LUZP2: variants seen among roughly 807,000 people sequenced by gnomAD.
LUZP2 encodes the protein leucine zipper protein 2.
Under a neutral mutation model 51.6 loss-of-function variants are expected in LUZP2, and 52 were observed. The ratio of observed to expected loss-of-function variants is 1.01; its 90% confidence interval spans 0.81 to 1.27. The LOEUF (loss-of-function observed/expected upper bound fraction) is 1.27, where lower values mean the gene tolerates loss of function less well. Ranked by LOEUF, LUZP2 falls within the 50% of genes most tolerant of loss-of-function variation. The pLI is 0.00. For synonymous variants in LUZP2, 154 were observed against 137.3 expected (o/e 1.12, Z -0.85); for missense variants, 436 against 395.4 (o/e 1.10, Z -0.87).
At chr11:24,652,307 A>G (rs759212810) in intron 1 of LUZP2, among the ~76,000 whole-genome samples, 104 of 152,286 alleles carry the variant, frequency 6.8e-4, no homozygotes, top group Non-Finnish European at 1.1e-3. Flanking sequence ...AGCTATGACT[A>G]CACATAGCTA....
At chr11:24,746,917 T>C (rs1156998642) in intron 4 of LUZP2, among the ~76,000 whole-genome samples, 3 of 152,212 alleles carry the variant, frequency 2.0e-5, no homozygotes, top group East Asian at 3.9e-4. Context: ...TGTTTTTTCT[T>C]TGGCTATCTA....
In LUZP2 at chr11:24,911,996, T is replaced by C. The variant is rs201167317; in HGVS notation, c.460-2480T>C. On this transcript the variant is annotated intron_variant, in intron 6 of 11. Transcript: ENST00000336930. ...TTCTATGGAAATGAAAACAAATCAA[T>C]TACCCTGTGAGAAACCATAAATTCT... is the stretch of plus-strand genomic sequence containing the variant. 5.9e-5 allele frequency among the ~76,000 whole-genome samples: 9 copies of C among 152,282 alleles called. No individual in the cohort carries two copies. In the East Asian group the frequency reaches 1.7e-3, roughly 29 times the overall value.
chr11:24,958,799 T>C (rs544570597), intron 7 of LUZP2, among the ~76,000 whole-genome samples: 4 of 152,286 alleles, frequency 2.6e-5, no homozygotes, highest in South Asian at 4.1e-4. Context: ...TGCCATTGCT[T>C]TTGGTGTTTT....
At chr11:24,857,824 A>C (rs1851617690) in intron 5 of LUZP2, among the ~76,000 whole-genome samples, 1 of 152,172 alleles carries the variant, frequency 6.6e-6, no homozygotes, top group African/African-American at 2.4e-5. Context: ...TTTTAAGCTA[A>C]GGTTTTCAGT....
chr11:24,630,673 C>CTTTTTT (rs57556855), intron 1 of LUZP2, among the ~76,000 whole-genome samples: 1 of 131,652 alleles, frequency 7.6e-6, no homozygotes, highest in Admixed American at 7.6e-5. Context: ...GCTATTCCGA[C>CTTTTTT]TTTTTTTTTT....
At chr11:25,069,556 A>G (rs1170687682) in intron 10 of LUZP2, among the ~76,000 whole-genome samples, 1 of 151,912 alleles carries the variant, frequency 6.6e-6, no homozygotes, top group East Asian at 1.9e-4. Flanking sequence ...TTTCCCAGTG[A>G]GTAATACACT....
chr11:24,512,821 C>G (rs1850353884), intron 1 of LUZP2, among the ~76,000 whole-genome samples: 1 of 151,328 alleles, frequency 6.6e-6, no homozygotes. Context: ...ACGATCTCAG[C>G]TCACTGCAAC....
At chr11:24,871,668 G>T (rs1249270360) in intron 5 of LUZP2, among the ~76,000 whole-genome samples, 1 of 151,920 alleles carries the variant, frequency 6.6e-6, no homozygotes, top group Non-Finnish European at 1.5e-5. Context: ...TTTAATCACA[G>T]AATTGTTTGT....
intron 1 of LUZP2, among the ~76,000 whole-genome samples, chr11:24,602,178 G>GTGCATATGTATATA (rs1853715680): frequency 8.9e-6 from 1 of 112,044 alleles, no homozygotes; most frequent in African/African-American, 3.4e-5. Flanking sequence ...GTATATATAT[G>GTGCATATGTATATA]TGTATATATG....
rs114215453 is a variant in LUZP2 at position 24,633,021 on chromosome 11, A to T, written c.63-96148A>T. Among the ~76,000 whole-genome samples, 1,126 of 152,124 alleles carry T rather than the reference A, an allele frequency of 7.4e-3. 15 individuals carry two copies. Among genetic ancestry groups the T allele is most frequent in the African/African-American group, 0.024 (988 of 41,534 alleles). ...AGATGGGGTCTTGAAGAATGATAGG[A>T]TATAGAAAGGAAATCTGAGCAACAG... On this transcript the variant is annotated intron_variant, in intron 1 of 11. Transcript: ENST00000336930.
chr11:24,717,584 T>A (rs1858101795), intron 1 of LUZP2, among the ~76,000 whole-genome samples: 2 of 52,506 alleles, frequency 3.8e-5, no homozygotes, highest in Non-Finnish European at 8.8e-5. Context: ...ATTTTTTGTA[T>A]TTTTTTTTTT....
At chr11:25,002,544 G>A (rs532123231) in intron 9 of LUZP2, among the ~76,000 whole-genome samples, 3 of 152,216 alleles carry the variant, frequency 2.0e-5, no homozygotes, top group East Asian at 1.9e-4. Flanking sequence ...TTTACATCAC[G>A]AGTAGTCCAG....
At chr11:24,856,066 C>A (rs1430039374) in intron 5 of LUZP2, among the ~76,000 whole-genome samples, 1 of 151,912 alleles carries the variant, frequency 6.6e-6, no homozygotes, top group Admixed American at 6.6e-5. Context: ...ATGACTAAGA[C>A]CTTAAAAGCA....
chr11:24,792,264 A>G (rs1453551114), intron 5 of LUZP2, among the ~76,000 whole-genome samples: 1 of 151,870 alleles, frequency 6.6e-6, no homozygotes, highest in Non-Finnish European at 1.5e-5. Flanking sequence ...TGTTTCTACT[A>G]AAATACAAAA....
At chr11:24,811,596 C>T (rs1850026124) in intron 5 of LUZP2, among the ~76,000 whole-genome samples, 1 of 151,564 alleles carries the variant, frequency 6.6e-6, no homozygotes, top group Admixed American at 6.6e-5. Flanking sequence ...TATTTTGTCG[C>T]TGAGGTAATA....
At chr11:24,951,197 G>T (rs1372969630) in intron 7 of LUZP2, among the ~76,000 whole-genome samples, 2 of 151,532 alleles carry the variant, frequency 1.3e-5, no homozygotes, top group African/African-American at 4.8e-5. Context: ...GGTACCAACT[G>T]CCAAATACTA....
At chr11:24,878,841 A>G (rs999867039) in intron 5 of LUZP2, among the ~76,000 whole-genome samples, 3 of 150,640 alleles carry the variant, frequency 2.0e-5, no homozygotes, top group African/African-American at 7.3e-5. Context: ...TCATTGTTCA[A>G]CTCCCAATTT....
At chr11:24,802,688 C>T (rs1013918297) in intron 5 of LUZP2, among the ~76,000 whole-genome samples, 12 of 151,910 alleles carry the variant, frequency 7.9e-5, no homozygotes, top group African/African-American at 2.7e-4. Flanking sequence ...GCAACAACCA[C>T]TCTTTTATTT....
chr11:24,905,033 T>C (rs1236144948), intron 5 of LUZP2, among the ~76,000 whole-genome samples: 1 of 152,120 alleles, frequency 6.6e-6, no homozygotes, highest in African/African-American at 2.4e-5. Context: ...GTCCATTATA[T>C]AATGATAACA....
Sources: allele counts gnomAD v4.1 joint callset (sites outside exome capture counted in the v4.1 genomes callset), GRCh38; gene constraint gnomAD v4.1.1; transcripts MANE v1.5; gene names NCBI Gene and HGNC (gene_info 2026-07-23, HGNC 2026-07-21).